The following BCAT1 variants were observed in gnomAD, a reference collection of about 807,000 sequenced individuals.
BCAT1 encodes branched chain amino acid transaminase 1.
A neutral mutation model predicts 52.4 loss-of-function variants in BCAT1; 48 were observed. The ratio of observed to expected loss-of-function variants is 0.92; its 90% CI spans 0.73 to 1.16. The LOEUF (loss-of-function observed/expected upper bound fraction) is 1.16, where lower values mean the gene tolerates loss of function less well. BCAT1 is among the 50% of genes most tolerant of loss of function. The pLI is 0.00. For synonymous variants in BCAT1, 167 were observed against 161.3 expected, an observed-to-expected ratio of 1.04 and a Z score of -0.27; for missense variants, 451 against 457.1, an observed-to-expected ratio of 0.99 and a Z score of 0.12.
intron 1 of BCAT1, among the ~76,000 whole-genome samples, chr12:24,936,213 C>T (rs1308498542): frequency 6.6e-6 from 1 of 152,214 alleles, no homozygotes; most frequent in African/African-American, 2.4e-5. Context: ...TGACTGCAGA[C>T]TTTGTGGCCT....
intron 6 of BCAT1, among the ~76,000 whole-genome samples, chr12:24,846,797 C>T (rs962972485): frequency 6.6e-6 from 1 of 152,178 alleles, no homozygotes; most frequent in Non-Finnish European, 1.5e-5. Context: ...AAATCCAAAA[C>T]ACATCTGGTC....
intron 10 of BCAT1, among the ~76,000 whole-genome samples, chr12:24,827,246 G>A (rs1280561549): frequency 6.6e-6 from 1 of 152,058 alleles, no homozygotes; most frequent in African/African-American, 2.4e-5. Flanking sequence ...GAGCAAAACT[G>A]TAATAATTTA....
intron 5 of BCAT1, among the ~76,000 whole-genome samples, chr12:24,851,711 A>G (rs576424617): frequency 2.0e-5 from 3 of 152,242 alleles, no homozygotes; most frequent in Non-Finnish European, 4.4e-5. Flanking sequence ...CCATCCTACC[A>G]GTAAAGGATA....
chr12:24,823,454 A>G (rs1940234575), intron 10 of BCAT1, among the ~76,000 whole-genome samples: 1 of 152,148 alleles, frequency 6.6e-6, no homozygotes, highest in Non-Finnish European at 1.5e-5. Context: ...CTTGCACTCA[A>G]TATACACATT....
rs1357228676 is a variant in BCAT1 at position 24,812,920 on chromosome 12, C to T, written c.*5088G>A. The T allele has an allele frequency of 2.0e-5, 3 of 151,980 alleles. No homozygotes were observed. The highest frequency in any genetic ancestry group is 4.4e-5 in the Non-Finnish European group (3 of 67,898). 9.4% of individuals were successfully genotyped at this position (151,980 alleles called of 1,614,324 possible). On this transcript the variant is annotated 3_prime_UTR_variant, in exon 11 of 11. Transcript: ENST00000261192. ...ATTACATAAACTGAACATCATGCAA[C>T]TCAAGTTATACGTCTTGTTGATTGG...
intron 1 of BCAT1, among the ~76,000 whole-genome samples, chr12:24,908,041 G>A (rs1943255444): frequency 6.6e-6 from 1 of 152,144 alleles, no homozygotes; most frequent in Non-Finnish European, 1.5e-5. Context: ...TAATATTTTA[G>A]AAAGCATGTA....
At chr12:24,826,177 A>G (rs1309361859) in intron 10 of BCAT1, among the ~76,000 whole-genome samples, 1 of 152,104 alleles carries the variant, frequency 6.6e-6, no homozygotes, top group Non-Finnish European at 1.5e-5. Flanking sequence ...ATGCCACTAC[A>G]CTCCAGCCTG....
At chr12:24,830,427 C>G (rs900696631) in intron 9 of BCAT1, 1 of 152,160 alleles carries the variant, frequency 6.6e-6, no homozygotes, top group African/African-American at 2.4e-5. Context: ...TTCCAGGGGC[C>G]ACTACCTCCA....
At chr12:24,938,165 G>A (rs2139756269) in intron 1 of BCAT1, among the ~76,000 whole-genome samples, 1 of 152,304 alleles carries the variant, frequency 6.6e-6, no homozygotes, top group South Asian at 2.1e-4. Context: ...AGAGAGCACA[G>A]ACTCCTGGTC....
At chr12:24,895,535 A>AAAAAG (rs957174291) in intron 2 of BCAT1, among the ~76,000 whole-genome samples, 2 of 151,960 alleles carry the variant, frequency 1.3e-5, no homozygotes, top group Admixed American at 6.6e-5. Flanking sequence ...CAGAAAAAAA[A>AAAAAG]AAAAGAAAAG....
chr12:24,878,431 TGG>T, intron 5 of BCAT1, 97 bp downstream of exon 5: 1 of 1,122,546 alleles, frequency 8.9e-7, no homozygotes, highest in Non-Finnish European at 1.2e-6. Flanking sequence ...ATGATGCTAC[TGG>T]GGGGCTACTG....
At position 24,820,274 on chromosome 12, in the gene BCAT1, G is replaced by T. The variant is rs192091600; in HGVS notation, c.1120-2225C>A. 3.5e-4 allele frequency among the ~76,000 whole-genome samples: 53 copies of T among 152,230 alleles called. 1 individual carries two copies. The East Asian group carries it at 9.4e-3, about 27-fold the overall frequency. Reference sequence around the variant, plus strand: ...TTTATGTAAAATCATAGCATTCTGAGAAGTGCCCAAGAAATGTGATATTAC... The same window carrying T: ...TTTATGTAAAATCATAGCATTCTGATAAGTGCCCAAGAAATGTGATATTAC... On this transcript the variant is annotated intron_variant, in intron 10 of 10. Coordinates refer to ENST00000261192, the MANE Select transcript of BCAT1 (RefSeq NM_005504.7).
intron 4 of BCAT1, among the ~76,000 whole-genome samples, chr12:24,879,820 A>G (rs780596891): frequency 8.5e-5 from 13 of 152,236 alleles, no homozygotes; most frequent in Non-Finnish European, 1.5e-4. Context: ...AAACTGTACA[A>G]CAAATAATCT....
intron 5 of BCAT1, among the ~76,000 whole-genome samples, chr12:24,867,720 G>A (rs918674947): frequency 2.6e-5 from 4 of 152,264 alleles, no homozygotes; most frequent in South Asian, 4.1e-4. Flanking sequence ...CCTTTAAAAA[G>A]ATAAAGCTGG....
chr12:24,821,162 T>C (rs1456076148), intron 10 of BCAT1, among the ~76,000 whole-genome samples: 1 of 152,164 alleles, frequency 6.6e-6, no homozygotes, highest in Non-Finnish European at 1.5e-5. Context: ...TGTAACTAAG[T>C]CATGGAGCTG....
intron 2 of BCAT1, 120 bp downstream of exon 2, chr12:24,901,693 TG>T: frequency 2.0e-6 from 2 of 1,021,742 alleles, no homozygotes; most frequent in Non-Finnish European, 2.9e-6. Flanking sequence ...TTTAAAAGTC[TG>T]GCAACACAAC....
At chr12:24,949,109 C>T, upstream of BCAT1, 3 of 608,288 alleles carry the variant, frequency 4.9e-6, no homozygotes, top group Non-Finnish European at 8.6e-6. Context: ...TGCAGACCGG[C>T]CCTCTCGCGG....
intron 5 of BCAT1, among the ~76,000 whole-genome samples, chr12:24,852,175 T>C (rs960098659): frequency 2.0e-5 from 3 of 152,132 alleles, no homozygotes; most frequent in African/African-American, 4.8e-5. Flanking sequence ...TTTCCTGAGG[T>C]CTCCCAGTCA....
At chr12:24,933,568 C>T (rs569781519) in intron 1 of BCAT1, among the ~76,000 whole-genome samples, 190 of 152,218 alleles carry the variant, frequency 1.2e-3, no homozygotes, top group Non-Finnish European at 1.9e-3. Flanking sequence ...AATCCCCTCA[C>T]GCCAGGGGAG....
Sources: allele counts gnomAD v4.1 joint callset (sites outside exome capture counted in the v4.1 genomes callset), GRCh38; gene constraint gnomAD v4.1.1; transcripts MANE v1.5; gene names NCBI Gene and HGNC (gene_info 2026-07-23, HGNC 2026-07-21).